Variants in PALM observed in about 807,000 individuals in gnomAD.
The protein encoded by PALM is paralemmin.
A neutral mutation model predicts 30.7 loss-of-function variants in PALM; 18 were observed. The ratio of observed to expected loss-of-function variants is 0.59; its 90% CI spans 0.41 to 0.87. The LOEUF (loss-of-function observed/expected upper bound fraction) is 0.87, where lower values mean the gene tolerates loss of function less well. PALM is among the 40% of genes least tolerant of loss of function. The pLI, the probability that PALM is intolerant of heterozygous loss-of-function variation, is 0.00. For missense variants in PALM, 529 were observed against 555.4 expected, an observed-to-expected ratio of 0.95 and a Z score of 0.48; for synonymous variants, 286 against 242.8, an observed-to-expected ratio of 1.18 and a Z score of -1.66.
At chr19:710,456 C>T (rs980213326) in intron 1 of PALM, among the ~76,000 whole-genome samples, 1 of 152,190 alleles carries the variant, frequency 6.6e-6, no homozygotes, top group African/African-American at 2.4e-5. Context: ...CGCCAGGCCC[C>T]GGAGGAGCCT....
At chr19:741,816 G>T (rs2144923200) in intron 8 of PALM, among the ~76,000 whole-genome samples, 1 of 152,188 alleles carries the variant, frequency 6.6e-6, no homozygotes, top group East Asian at 1.9e-4. Context: ...GCTCCACACT[G>T]AAGCCCCACT....
intron 1 of PALM, among the ~76,000 whole-genome samples, chr19:716,491 G>C (rs985856504): frequency 2.6e-5 from 4 of 152,158 alleles, no homozygotes; most frequent in South Asian, 2.1e-4. Flanking sequence ...TCAACAGACT[G>C]GTGGTGGGAC....
intron 7 of PALM, among the ~76,000 whole-genome samples, chr19:737,717 G>A (rs978212544): frequency 3.9e-5 from 6 of 152,140 alleles, no homozygotes; most frequent in Admixed American, 1.3e-4. Flanking sequence ...CAAAGGCCCC[G>A]GGGCAGGACT....
chr19:736,473 C>T (rs1261881078), intron 7 of PALM, among the ~76,000 whole-genome samples: 2 of 152,162 alleles, frequency 1.3e-5, no homozygotes, highest in African/African-American at 4.8e-5. Flanking sequence ...GACTGGCTGC[C>T]CCGGGAGAAA....
intron 5 of PALM, among the ~76,000 whole-genome samples, chr19:732,347 T>C (rs556339433): frequency 6.6e-6 from 1 of 152,150 alleles, no homozygotes; most frequent in Non-Finnish European, 1.5e-5. Flanking sequence ...GAGTGGTCCT[T>C]AGTGGAGTCG....
At chr19:741,392 A>AGTGAGGGGAGACGGGCTGCAGGG (rs1568233343) in intron 8 of PALM, among the ~76,000 whole-genome samples, 16 of 89,938 alleles carry the variant, frequency 1.8e-4, no homozygotes, top group African/African-American at 5.1e-4. Context: ...GGGCTGCAGG[A>AGTGAGGGGAGACGGGCTGCAGGG]GTGAGGGGAG....
intron 1 of PALM, among the ~76,000 whole-genome samples, chr19:724,424 C>T (rs1229711096): frequency 6.6e-6 from 1 of 151,582 alleles, no homozygotes; most frequent in Non-Finnish European, 1.5e-5. Flanking sequence ...GGGTTCAAGC[C>T]ATTCTCCTGT....
chr19:722,588 G>A (rs2032527885), intron 1 of PALM: 1 of 152,328 alleles, frequency 6.6e-6, no homozygotes, highest in Non-Finnish European at 1.5e-5. Flanking sequence ...AGGGAGCTGT[G>A]AGGGGGCAGG....
intron 1 of PALM, chr19:711,212 C>A: frequency 1.0e-6 from 1 of 982,930 alleles, no homozygotes; most frequent in Non-Finnish European, 1.2e-6. Flanking sequence ...AGGAGAACGT[C>A]CAGGAAGGAG....
intron 2 of PALM, among the ~76,000 whole-genome samples, chr19:726,506 A>G (rs2144878645): frequency 6.6e-6 from 1 of 152,134 alleles, no homozygotes; most frequent in Admixed American, 6.5e-5. Flanking sequence ...CTTTGGTGCC[A>G]TCTTGGTGGC....
Position 746,742 on chromosome 19 carries a change from C to T in PALM, c.1092C>T (p.Pro364=), listed in dbSNP as rs150262285. ...AASREENQAG[P]EATTSDPQDL... ...CCAGGGAAGAGAATCAGGCGGGGCCCGAGGCCACCACCAGCGACCCCCAGG... is the reference window on the plus strand; with the variant it reads ...CCAGGGAAGAGAATCAGGCGGGGCCTGAGGCCACCACCAGCGACCCCCAGG... Residue 364 remains proline, a synonymous_variant, in exon 9 of 9, where the codon CCC becomes CCT. Coordinates refer to ENST00000338448, the MANE Select transcript of PALM (RefSeq NM_002579.3). The surrounding 1 kb of genome is among the most constrained non-coding windows in gnomAD (Gnocchi z 7.1). 2.5e-3 allele frequency: 4,061 copies of T among 1,600,790 alleles called. 5 individuals are homozygous for T. The highest frequency in any genetic ancestry group is 3.0e-3 in the Non-Finnish European group (3,506 of 1,175,882).
At chr19:737,966 G>A (rs745995398) in intron 7 of PALM, among the ~76,000 whole-genome samples, 3 of 152,172 alleles carry the variant, frequency 2.0e-5, no homozygotes, top group Non-Finnish European at 4.4e-5. Flanking sequence ...AGAACAGACC[G>A]TGGACGGTGC....
intron 1 of PALM, among the ~76,000 whole-genome samples, chr19:715,076 C>A (rs534949416): frequency 3.9e-4 from 60 of 152,268 alleles, no homozygotes; most frequent in African/African-American, 1.3e-3. Flanking sequence ...CCAGCCTGGC[C>A]AACATAGTGA....
chr19:727,269 C>A (rs1254866847), intron 3 of PALM, among the ~76,000 whole-genome samples, 181 bp downstream of exon 3: 1 of 108,108 alleles, frequency 9.3e-6, no homozygotes, highest in Non-Finnish European at 1.9e-5. Context: ...CCCAACCTGA[C>A]CCCGACCCTG....
At chr19:736,730 A>C (rs1241734424) in intron 7 of PALM, among the ~76,000 whole-genome samples, 1 of 152,204 alleles carries the variant, frequency 6.6e-6, no homozygotes, top group Non-Finnish European at 1.5e-5. Context: ...AACCACTGCT[A>C]TGTGAGTGAG....
chr19:740,317 C>T (rs760882416), intron 7 of PALM, 35 bp from the exon 8 acceptor site: 1 of 1,524,950 alleles, frequency 6.6e-7, no homozygotes, highest in Non-Finnish European at 8.9e-7. Context: ...CGGGGGCGGG[C>T]AGGCCGTGGT....
At chr19:726,958 T>TC in intron 2 of PALM, 50 bp from the exon 3 acceptor site, 1 of 1,044,076 alleles carries the variant, frequency 9.6e-7, no homozygotes, top group East Asian at 3.2e-5. Flanking sequence ...GGTGGGGGGG[T>TC]CTCCGGGACC....
Position 740,304 on chromosome 19 carries a change from G to T in PALM, c.503-48G>T, listed in dbSNP as rs770778065. Reference sequence around the variant, plus strand: ...GGCTTGGCCGCAGCCCGGCGGGGGGGTGCGGGGGCGGGCAGGCCGTGGTGT... The same window carrying T: ...GGCTTGGCCGCAGCCCGGCGGGGGGTTGCGGGGGCGGGCAGGCCGTGGTGT... On this transcript the variant is annotated intron_variant, in intron 7 of 8. Coordinates refer to ENST00000338448, the MANE Select transcript of PALM (RefSeq NM_002579.3). 5.3e-6 allele frequency: 8 copies of T among 1,511,878 alleles called. No individual in the cohort carries two copies. In the Admixed American group the frequency reaches 8.3e-5, roughly 16 times the overall value. The allele number at this position is 1,511,878 out of a possible 1,614,324, so 93.7% of individuals were successfully genotyped here. A position where few individuals can be genotyped will look rare whatever the true frequency, so the allele number is the denominator to read the frequency against.
intron 5 of PALM, among the ~76,000 whole-genome samples, 180 bp downstream of exon 5, chr19:731,425 G>A (rs1006475771): frequency 3.3e-5 from 5 of 152,316 alleles, no homozygotes; most frequent in South Asian, 2.1e-4. Context: ...ACGTGGTTTC[G>A]CCTTGCTGGG....
Sources: allele counts gnomAD v4.1 joint callset (sites outside exome capture counted in the v4.1 genomes callset), GRCh38; gene constraint gnomAD v4.1.1; non-coding constraint Gnocchi (gnomAD v3.1); transcripts MANE v1.5; gene names NCBI Gene and HGNC (gene_info 2026-07-23, HGNC 2026-07-21).